XXYLT1: variants seen among roughly 807,000 people sequenced by gnomAD.
XXYLT1 encodes the protein xyloside xylosyltransferase 1, also known as UDP-xylose:alpha-xyloside alpha-1,3-xylosyltransferase.
Under a neutral mutation model 28.9 loss-of-function variants are expected in XXYLT1, and 20 were observed. The observed-to-expected ratio is 0.69, with a 90% CI of 0.49 to 1.00. XXYLT1 has a LOEUF of 1.00. Ranked by LOEUF, XXYLT1 falls within the 50% of genes least tolerant of loss-of-function variation. The pLI, the probability that XXYLT1 is intolerant of heterozygous loss-of-function variation, is 0.00. For synonymous variants in XXYLT1, 257 were observed against 253.8 expected (o/e 1.01, Z -0.12); for missense variants, 542 against 560.1 (o/e 0.97, Z 0.33).
At chr3:195,170,812 G>A (rs1721367680) in intron 2 of XXYLT1, among the ~76,000 whole-genome samples, 1 of 152,062 alleles carries the variant, frequency 6.6e-6, no homozygotes, top group East Asian at 1.9e-4. Context: ...CGAGGCCAAG[G>A]CAGGAGGATC....
At chr3:195,241,799 C>T (rs1724787107) in intron 1 of XXYLT1, among the ~76,000 whole-genome samples, 2 of 152,104 alleles carry the variant, frequency 1.3e-5, no homozygotes, top group African/African-American at 2.4e-5. Context: ...AACACACACA[C>T]ACATGCGCAC....
At chr3:195,083,723 G>T (rs1715565473) in intron 3 of XXYLT1, among the ~76,000 whole-genome samples, 1 of 152,134 alleles carries the variant, frequency 6.6e-6, no homozygotes, top group South Asian at 2.1e-4. Context: ...GGAAATGGAG[G>T]CCCAGAGAGT....
chr3:195,183,957 G>A (rs556625992), intron 2 of XXYLT1, among the ~76,000 whole-genome samples: 1 of 152,368 alleles, frequency 6.6e-6, no homozygotes, highest in African/African-American at 2.4e-5. Context: ...ATATCATTTT[G>A]AGAGAAGAAC....
At chr3:195,248,313 C>T (rs1205018987) in intron 1 of XXYLT1, among the ~76,000 whole-genome samples, 1 of 152,148 alleles carries the variant, frequency 6.6e-6, no homozygotes. Context: ...GTGTCTCTCC[C>T]CAAATCTCAT....
chr3:195,204,001 A>C (rs1325483566), intron 2 of XXYLT1, among the ~76,000 whole-genome samples: 4 of 152,222 alleles, frequency 2.6e-5, no homozygotes, highest in Non-Finnish European at 4.4e-5. Flanking sequence ...AAAAAGCCTC[A>C]GGTTTTTGCT....
At chr3:195,165,336 C>T (rs908310321) in intron 2 of XXYLT1, among the ~76,000 whole-genome samples, 2 of 152,096 alleles carry the variant, frequency 1.3e-5, no homozygotes, top group African/African-American at 4.8e-5. Context: ...CCAAGAGAGG[C>T]GCAAACTCCT....
At chr3:195,151,860 C>G (rs1423168081) in intron 3 of XXYLT1, among the ~76,000 whole-genome samples, 1 of 98,254 alleles carries the variant, frequency 1.0e-5, no homozygotes, top group Non-Finnish European at 1.9e-5. Flanking sequence ...AAAGAAAACA[C>G]AAAAGAGGAG....
At chr3:195,237,805 T>TTTGTTTG (rs1394602835) in intron 1 of XXYLT1, among the ~76,000 whole-genome samples, 16 of 152,002 alleles carry the variant, frequency 1.1e-4, no homozygotes, top group Non-Finnish European at 5.9e-5. Flanking sequence ...TGGCTACTGG[T>TTTGTTTG]TTGTTTGTTG....
At chr3:195,144,687 C>G (rs74288778) in intron 3 of XXYLT1, among the ~76,000 whole-genome samples, 5,174 of 152,200 alleles carry the variant, frequency 0.034, 165 homozygotes, top group East Asian at 0.15. Flanking sequence ...AACAGTTCCT[C>G]CTTTCTGTTT....
At position 195,078,354 on chromosome 3, in the gene XXYLT1, G is replaced by A. The variant is rs542456198; in HGVS notation, c.786-8243C>T. Among the ~76,000 whole-genome samples the A allele has an allele frequency of 7.2e-5, 11 of 152,204 alleles. No individual in the cohort carries two copies. Among genetic ancestry groups the A allele is most frequent in the East Asian group, 1.9e-4 (1 of 5,162 alleles). The stretch of plus-strand genomic sequence containing the variant: ...CCACCTGTCCCTCACACTGACAGCC[G>A]AGAGGCCCGTAGCGAGTCAGGCCAT... On this transcript the variant is annotated intron_variant, in intron 3 of 3. Coordinates refer to ENST00000310380, the MANE Select transcript of XXYLT1 (RefSeq NM_152531.5). This position sits in a 1 kb window ranked among gnomAD's most constrained non-coding sequence, Gnocchi z 5.0.
rs115269322 is a variant in XXYLT1, at chr3:195,098,927, C to T, written c.786-28816G>A. Among the ~76,000 whole-genome samples, 1,136 of 152,368 alleles carry T rather than the reference C, an allele frequency of 7.5e-3. 13 individuals are homozygous for T. Among genetic ancestry groups the T allele is most frequent in the African/African-American group, 0.026 (1,082 of 41,594 alleles). ...TGTTCTGCCCGAGCCCTGAGCGGCC[C>T]TGTTGACTTGGGACATGTGCCCCTT... On this transcript the variant is annotated intron_variant, in intron 3 of 3. Coordinates refer to ENST00000310380, the MANE Select transcript of XXYLT1 (RefSeq NM_152531.5).
chr3:195,226,638 G>T (rs1402283035), intron 2 of XXYLT1, 71 bp downstream of exon 2: 2 of 1,558,772 alleles, frequency 1.3e-6, no homozygotes, highest in Non-Finnish European at 1.7e-6. Context: ...GGCCTGGGCA[G>T]TGTTGGAACC....
At chr3:195,070,142 T>C (rs1560077824) in intron 3 of XXYLT1, 31 bp from the exon 4 acceptor site, 1 of 1,510,438 alleles carries the variant, frequency 6.6e-7, no homozygotes, top group Non-Finnish European at 8.8e-7. Context: ...GTTAGTCCGG[T>C]GTGCAGGGGA....
At chr3:195,110,107 A>T (rs199689690) in intron 3 of XXYLT1, among the ~76,000 whole-genome samples, 2 of 31,606 alleles carry the variant, frequency 6.3e-5, no homozygotes, top group African/African-American at 2.1e-4. Flanking sequence ...TGTGTGGTGT[A>T]TGTGTGCATG....
At chr3:195,099,497 T>A (rs1716646353) in intron 3 of XXYLT1, among the ~76,000 whole-genome samples, 1 of 152,192 alleles carries the variant, frequency 6.6e-6, no homozygotes. Context: ...CCTTTCCCTG[T>A]GCAAGTTAGC....
At position 195,271,024 on chromosome 3, in the gene XXYLT1, C is replaced by G. The variant is rs1357077329; in HGVS notation, c.35G>C (p.Arg12Pro). Reference sequence around the variant, plus strand: ...CACAGCGCCCAGGCGCGCCATGGCCCGAGCGCATGGGAGCCCGCCTCGGAG... The same window carrying G: ...CACAGCGCCCAGGCGCGCCATGGCCGGAGCGCATGGGAGCCCGCCTCGGAG... ...GLLRGGLPCA[R>P]AMARLGAVRS... The change falls in exon 1 of 4, where the codon CGG becomes CCG. Residue 12 changes from arginine to proline, a missense_variant. Coordinates refer to ENST00000310380, the MANE Select transcript of XXYLT1 (RefSeq NM_152531.5). 2 of 1,464,754 alleles carry G rather than the reference C, an allele frequency of 1.4e-6. No homozygotes were observed. The highest frequency in any genetic ancestry group is 2.5e-5 in the Admixed American group (1 of 40,422). 90.7% of individuals were successfully genotyped at this position (1,464,754 alleles called of 1,614,324 possible). A position where few individuals can be genotyped will look rare whatever the true frequency, so the allele number is the denominator to read the frequency against.
chr3:195,080,209 C>T (rs985225526), intron 3 of XXYLT1, among the ~76,000 whole-genome samples: 2 of 152,188 alleles, frequency 1.3e-5, no homozygotes, highest in Non-Finnish European at 1.5e-5. Flanking sequence ...ACATCTGTGA[C>T]GAAGTGCTCA....
rs781150169 is a variant in XXYLT1, at chr3:195,172,348, G to A, written c.653-15767C>T. Among the ~76,000 whole-genome samples, 25 of 152,296 alleles carry A rather than the reference G, an allele frequency of 1.6e-4. 1 individual carries two copies. The highest frequency in any genetic ancestry group is 2.8e-4 in the Non-Finnish European group (19 of 68,018). On this transcript the variant is annotated intron_variant, in intron 2 of 3. Transcript: ENST00000310380. ...AGGAGGAAAAACACTGCCCCAAGAA[G>A]TTACCAGCTGGGCACTGCTGAACGT...
chr3:195,141,767 T>C (rs376178697), intron 3 of XXYLT1, among the ~76,000 whole-genome samples: 1 of 152,208 alleles, frequency 6.6e-6, no homozygotes, highest in Non-Finnish European at 1.5e-5. Context: ...TCTCTCCCAA[T>C]GGCCACCTGT....
Sources: allele counts gnomAD v4.1 joint callset (sites outside exome capture counted in the v4.1 genomes callset), GRCh38; gene constraint gnomAD v4.1.1; non-coding constraint Gnocchi (gnomAD v3.1); transcripts MANE v1.5; gene names NCBI Gene and HGNC (gene_info 2026-07-23, HGNC 2026-07-21).